HDAC9: variants seen among roughly 807,000 people sequenced by gnomAD.
The protein encoded by HDAC9 is histone deacetylase 9.
In HDAC9, 41 loss-of-function variants were observed where a neutral mutation model predicts 139.4. The observed-to-expected ratio is 0.29, with a 90% CI of 0.23 to 0.38. HDAC9 has a LOEUF of 0.38. Among genes scored for constraint, HDAC9 ranks in the 10% least tolerant of loss-of-function variants. The probability of loss-of-function intolerance (pLI) is 1.00; values close to 1 mark genes in which losing one functional copy is unlikely to be tolerated. For synonymous variants in HDAC9, 517 were observed against 476.2 expected (o/e 1.09, Z -1.12); for missense variants, 1,147 against 1,297.0 (o/e 0.88, Z 1.78).
At chr7:18,942,036 A>C (rs148347234) in intron 23 of HDAC9, among the ~76,000 whole-genome samples, 72 of 152,220 alleles carry the variant, frequency 4.7e-4, no homozygotes, top group African/African-American at 1.4e-3. Context: ...GTGGTAACCA[A>C]TAAAAGAAAG....
intron 1 of HDAC9, among the ~76,000 whole-genome samples, chr7:18,104,717 G>A (rs1447011879): frequency 6.6e-6 from 1 of 151,698 alleles, no homozygotes; most frequent in Non-Finnish European, 1.5e-5. Flanking sequence ...CTCCTTTTTG[G>A]GACCCTATTT....
At chr7:18,777,257 T>A (rs956033080) in intron 16 of HDAC9, among the ~76,000 whole-genome samples, 1 of 152,044 alleles carries the variant, frequency 6.6e-6, no homozygotes, top group Non-Finnish European at 1.5e-5. Context: ...ATTGGGCAGC[T>A]GCAAATTATA....
chr7:18,916,416 G>C (rs915647472), intron 22 of HDAC9, among the ~76,000 whole-genome samples: 1 of 151,412 alleles, frequency 6.6e-6, no homozygotes, highest in Non-Finnish European at 1.5e-5. Flanking sequence ...AAAGTGTTTT[G>C]CTCAAAATAA....
intron 13 of HDAC9, among the ~76,000 whole-genome samples, chr7:18,742,478 A>T (rs555308276): frequency 2.1e-4 from 32 of 152,354 alleles, no homozygotes; most frequent in African/African-American, 6.0e-4. Flanking sequence ...GTTACAGTAT[A>T]ATGTAAACAT....
intron 12 of HDAC9, among the ~76,000 whole-genome samples, chr7:18,723,890 G>A (rs2129126246): frequency 6.6e-6 from 1 of 152,162 alleles, no homozygotes; most frequent in South Asian, 2.1e-4. Flanking sequence ...TTAATGCACA[G>A]ACAAAATAAT....
chr7:18,519,373 CAA>C (rs1804262003), intron 2 of HDAC9, among the ~76,000 whole-genome samples: 2 of 152,026 alleles, frequency 1.3e-5, no homozygotes, highest in Non-Finnish European at 2.9e-5. Flanking sequence ...ATTAAATGCT[CAA>C]GAGGTTAATA....
rs372161428 is a variant in HDAC9, at chr7:18,442,496, T to C, written c.-41-53766T>C. ...CATCTCCCTCTCCACCTTTCCCCAA[T>C]CTTTGCTTAATGTATTCATATGCTC... On this transcript the variant is annotated intron_variant, in intron 1 of 3. Transcript: ENST00000413509. Among the ~76,000 whole-genome samples the C allele has an allele frequency of 1.9e-3, 289 of 152,308 alleles. 2 individuals are homozygous for C. The highest frequency in any genetic ancestry group is 5.7e-3 in the African/African-American group (236 of 41,568).
chr7:18,985,467 CATT>C (rs779007409), intron 25 of HDAC9, among the ~76,000 whole-genome samples: 7 of 152,122 alleles, frequency 4.6e-5, no homozygotes, highest in Non-Finnish European at 8.8e-5. Flanking sequence ...TCCAGTCTAT[CATT>C]GTTGGACATT....
chr7:18,177,429 C>T (rs868851295), intron 2 of HDAC9, among the ~76,000 whole-genome samples: 6 of 152,128 alleles, frequency 3.9e-5, no homozygotes, highest in Admixed American at 6.6e-5. Context: ...TATAAGAACC[C>T]GTACCCTTTT....
chr7:18,826,600 G>T (rs1022462650), intron 17 of HDAC9, among the ~76,000 whole-genome samples: 39 of 150,178 alleles, frequency 2.6e-4, no homozygotes, highest in African/African-American at 9.4e-4. Context: ...CAGATACTTC[G>T]TTCAAGGAAT....
Position 18,223,252 on chromosome 7 carries a change from T to A in HDAC9, c.25+60903T>A, listed in dbSNP as rs757817473. 2.2e-4 allele frequency among the ~76,000 whole-genome samples: 34 copies of A among 152,272 alleles called. 1 individual carries two copies. In the Middle Eastern group the frequency reaches 0.01, roughly 46 times the overall value. On this transcript the variant is annotated intron_variant, in intron 2 of 12. Transcript: ENST00000417496. ...GATACGTATGTTGTAAATATTTACA[T>A]ACGTCTTTTTCTTTTACCTCTTATG...
chr7:18,259,800 T>G (rs954969129), intron 2 of HDAC9, among the ~76,000 whole-genome samples: 7 of 152,224 alleles, frequency 4.6e-5, no homozygotes, highest in Non-Finnish European at 1.0e-4. Context: ...CCCACTTTTA[T>G]TGGGTAATAA....
At chr7:18,098,687 C>T (rs1264406828) in intron 1 of HDAC9, among the ~76,000 whole-genome samples, 1 of 152,118 alleles carries the variant, frequency 6.6e-6, no homozygotes, top group Non-Finnish European at 1.5e-5. Flanking sequence ...ACCTACCTTT[C>T]CCTCATTACC....
chr7:18,534,181 G>A (rs979138997), intron 2 of HDAC9, among the ~76,000 whole-genome samples: 2 of 152,198 alleles, frequency 1.3e-5, no homozygotes, highest in East Asian at 1.9e-4. Context: ...GTAGCATAGA[G>A]GGGTTCTGGT....
chr7:18,489,335 C>T (rs1796198753), intron 1 of HDAC9, among the ~76,000 whole-genome samples: 1 of 151,902 alleles, frequency 6.6e-6, no homozygotes, highest in African/African-American at 2.4e-5. Flanking sequence ...AAATGAGTAA[C>T]AGCTTTTCAA....
At chr7:18,434,410 T>C (rs893083265) in intron 1 of HDAC9, among the ~76,000 whole-genome samples, 2 of 152,218 alleles carry the variant, frequency 1.3e-5, no homozygotes, top group Non-Finnish European at 2.9e-5. Context: ...AAATGGGACC[T>C]AATTAAACTA....
chr7:18,711,259 A>G (rs1428447385), intron 12 of HDAC9, among the ~76,000 whole-genome samples: 1 of 152,198 alleles, frequency 6.6e-6, no homozygotes, highest in African/African-American at 2.4e-5. Context: ...TCTCAATTCA[A>G]CAAATCATAT....
At chr7:18,311,509 C>T (rs2128625370) in intron 1 of HDAC9, among the ~76,000 whole-genome samples, 1 of 152,098 alleles carries the variant, frequency 6.6e-6, no homozygotes, top group East Asian at 1.9e-4. Context: ...ATTGTGCTAT[C>T]AGATAGATAA....
At chr7:18,353,496 T>C (rs1214943737) in intron 1 of HDAC9, among the ~76,000 whole-genome samples, 1 of 152,216 alleles carries the variant, frequency 6.6e-6, no homozygotes, top group Non-Finnish European at 1.5e-5. Context: ...TCCCTCCCTC[T>C]GTGCCTCTGA....
Sources: gnomAD v4.1 joint callset for allele counts (sites outside exome capture counted in the v4.1 genomes callset) on GRCh38, gnomAD v4.1.1 for gene constraint, MANE v1.5 for transcripts, NCBI Gene and HGNC (gene_info 2026-07-23, HGNC 2026-07-21) for gene names.